Variants in SGSH observed in about 807,000 individuals in gnomAD.
SGSH encodes heparan sulfate sulfatase.
A neutral mutation model predicts 51.0 loss-of-function variants in SGSH; 48 were observed. That is an observed-to-expected ratio of 0.94 (90% CI 0.75 to 1.20). The LOEUF (loss-of-function observed/expected upper bound fraction) is 1.20. Among genes scored for constraint, SGSH ranks in the 50% most tolerant of loss-of-function variants. SGSH has a pLI of 0.00. For missense variants in SGSH, 662 were observed against 717.8 expected, an observed-to-expected ratio of 0.92 and a Z score of 0.89; for synonymous variants, 321 against 313.4, an observed-to-expected ratio of 1.02 and a Z score of -0.26.
Position 80,213,725 on chromosome 17 carries a change from G to T in SGSH, c.745+79C>A. The T allele has an allele frequency of 8.0e-7, 1 of 1,249,340 alleles. No homozygotes were observed. Among genetic ancestry groups the T allele is most frequent in the Non-Finnish European group, 1.1e-6 (1 of 883,788 alleles). 77.4% of individuals were successfully genotyped at this position (1,249,340 alleles called of 1,614,324 possible). A position where few individuals can be genotyped will look rare whatever the true frequency, so the allele number is the denominator to read the frequency against. On this transcript the variant is annotated intron_variant, in intron 6 of 7. Transcript: ENST00000326317. This position sits in a 1 kb window ranked among gnomAD's most constrained non-coding sequence, Gnocchi z 4.6. The stretch of plus-strand genomic sequence containing the variant: ...CTGGGACCCTCACCCACATTATGCC[G>T]TGACCTAAGAGGGCGCTGGCCCAGG...
downstream of SGSH, chr17:80,206,948 T>G (rs1423610416): frequency 3.2e-6 from 5 of 1,581,596 alleles, no homozygotes; most frequent in Non-Finnish European, 3.5e-6. Flanking sequence ...CTTGACTCAC[T>G]TCTTCTCTCC....
In SGSH at chr17:80,212,783, T is replaced by C. The variant is rs528797644; in HGVS notation, c.746-509A>G. ...CCCTGACCCCAAAAGACATGTGTGCTGGAATCTGTGAAGGGGTTCTTGTTT... is the reference window on the plus strand; with the variant it reads ...CCCTGACCCCAAAAGACATGTGTGCCGGAATCTGTGAAGGGGTTCTTGTTT... On this transcript the variant is annotated intron_variant, in intron 6 of 7. Transcript: ENST00000326317. The surrounding 1 kb of genome is among the most constrained non-coding windows in gnomAD (Gnocchi z 5.9). The C allele has an allele frequency of 7.7e-5, 17 of 220,432 alleles. No homozygotes were observed. The South Asian group carries it at 1.1e-3, about 15-fold the overall frequency. The allele number at this position is 220,432 out of a possible 1,614,324, so 13.7% of individuals were successfully genotyped here. A position where few individuals can be genotyped will look rare whatever the true frequency, so the allele number is the denominator to read the frequency against.
At chr17:80,204,120 T>G (rs2041142469), downstream of SGSH, 3 of 1,110,896 alleles carry the variant, frequency 2.7e-6, no homozygotes, top group Middle Eastern at 2.2e-4. Flanking sequence ...CATCTGCGCC[T>G]CTGCATCACT....
In SGSH at chr17:80,213,057, C is replaced by G. The variant is rs1439385213; in HGVS notation, c.745+747G>C. The stretch of plus-strand genomic sequence containing the variant: ...TATAAAAATTAGCTGGGCATGGTGG[C>G]GTGCGGTGCGATTGCAGTCCTAGCT... On this transcript the variant is annotated intron_variant, in intron 6 of 7. Coordinates refer to ENST00000326317, the MANE Select transcript of SGSH (RefSeq NM_000199.5). The surrounding 1 kb of genome is among the most constrained non-coding windows in gnomAD (Gnocchi z 4.6). 6.5e-6 allele frequency: 1 copy of G among 153,062 alleles called. No individual in the cohort carries two copies. Among genetic ancestry groups the G allele is most frequent in the African/African-American group, 2.4e-5 (1 of 41,364 alleles). The allele number at this position is 153,062 out of a possible 1,614,324, so 9.5% of individuals were successfully genotyped here.
intron 1 of SGSH, among the ~76,000 whole-genome samples, chr17:80,219,480 G>C (rs1257026005): frequency 2.0e-5 from 3 of 152,264 alleles, no homozygotes; most frequent in Non-Finnish European, 4.4e-5. Flanking sequence ...GGTCCATGCA[G>C]ATTCTCTGCT....
Position 80,214,647 on chromosome 17 carries a change from G to T in SGSH, c.474C>A (p.Leu158=), listed in dbSNP as rs75828254. 2 of 1,613,444 alleles carry T rather than the reference G, an allele frequency of 1.2e-6. No homozygotes were observed. The highest frequency in any genetic ancestry group is 4.5e-5 in the East Asian group (2 of 44,878). Residue 158 remains leucine, a synonymous_variant, in exon 4 of 8, where the codon CTC becomes CTA. Coordinates refer to ENST00000326317, the MANE Select transcript of SGSH (RefSeq NM_000199.5). ...VGRNITRIKL[L]VRKFLQTQDD... is the part of the protein sequence containing the mutation. ...CCTGAGTCTGCAGGAATTTCCGGAC[G>T]AGCAGCTTAATTCTAGTGATGTTCC...
chr17:80,202,854 T>C (rs182079255), downstream of SGSH: 562 of 190,972 alleles, frequency 2.9e-3, 4 homozygotes, highest in African/African-American at 0.012. Flanking sequence ...CTCCTAGGAC[T>C]GTCTTGGTCT....
chr17:80,205,099 C>T (rs202148981), downstream of SGSH: 5 of 1,613,518 alleles, frequency 3.1e-6, no homozygotes, highest in East Asian at 1.1e-4. Context: ...TGGTGCGGCC[C>T]CATCGACCCG....
intron 1 of SGSH, among the ~76,000 whole-genome samples, chr17:80,218,772 T>C (rs6565650): frequency 0.49 from 74,302 of 152,060 alleles, 19,866 homozygotes; most frequent in African/African-American, 0.71. Flanking sequence ...AGCCCTAACG[T>C]CAACATCACT....
chr17:80,212,268 C>A lies in SGSH; in HGVS notation c.752G>T (p.Gly251Val). 1 of 1,607,390 alleles carries A rather than the reference C, an allele frequency of 6.2e-7. No individual in the cohort carries two copies. The highest frequency in any genetic ancestry group is 8.5e-7 in the Non-Finnish European group (1 of 1,177,330). ...TTVGRMDQGV[G>V]LVLQELRDAG... The stretch of plus-strand genomic sequence containing the variant: ...GTCACGCAGCTCCTGGAGCACCAGT[C>A]CAACTCCTGTGGTGAGGGGCCGAGA... Residue 251 changes from glycine (G) to valine (V), a missense_variant, in exon 7 of 8, where the codon GGA becomes GTA. Gly to Val is a moderately radical substitution (Grantham distance 109, BLOSUM62 -3). Transcript: ENST00000326317. The surrounding 1 kb of genome is among the most constrained non-coding windows in gnomAD (Gnocchi z 5.9).
Position 80,209,819 on chromosome 17 carries a change from C to T in SGSH, c.*633G>A, listed in dbSNP as rs2041558781. The T allele has an allele frequency of 1.0e-6, 1 of 987,938 alleles. No homozygotes were observed. Among genetic ancestry groups the T allele is most frequent in the Non-Finnish European group, 1.2e-6 (1 of 831,608 alleles). 61.2% of individuals were successfully genotyped at this position (987,938 alleles called of 1,614,324 possible). On this transcript the variant is annotated 3_prime_UTR_variant, in exon 8 of 8. Coordinates refer to ENST00000326317, the MANE Select transcript of SGSH (RefSeq NM_000199.5). ...GGTTCAAGCTCATCACTCAGGGAGC[C>T]TGCTGCCAATCAGCTGAAACCTGCC...
At chr17:80,208,267 C>T (rs957038309), downstream of SGSH, 11 of 1,593,686 alleles carry the variant, frequency 6.9e-6, no homozygotes, top group Admixed American at 3.6e-5. Flanking sequence ...GCGACCTGGA[C>T]GGCCTGCTCA....
intron 1 of SGSH, 101 bp from the exon 2 acceptor site, chr17:80,217,293 AC>A: frequency 7.2e-7 from 1 of 1,388,898 alleles, no homozygotes; most frequent in Non-Finnish European, 9.9e-7. Context: ...AAGGCGAGAC[AC>A]CCAGGTGGGC....
At chr17:80,215,538 C>T (rs949340061) in intron 2 of SGSH, among the ~76,000 whole-genome samples, 10 of 152,206 alleles carry the variant, frequency 6.6e-5, no homozygotes, top group Non-Finnish European at 7.3e-5. Context: ...CTCAGACTGC[C>T]GGCCGGGCGT....
Position 80,214,760 on chromosome 17 carries a change from T to TGATGCCTGGGCGGGAAGA in SGSH, c.356-13_360dup (p.Ile120_Ile121insSerSerArgProGlyIle). 6.2e-7 allele frequency: 1 copy of TGATGCCTGGGCGGGAAGA among 1,611,702 alleles called. No individual in the cohort carries two copies. Among genetic ancestry groups the TGATGCCTGGGCGGGAAGA allele is most frequent in the East Asian group, 2.2e-5 (1 of 44,880 alleles). ...TCCGGCCCCACGTGCTTCTTCCCGA[T>TGATGCCTGGGCGGGAAGA]GATGCCTGGGCGGGAAGAGAGGCCT... On this transcript the variant is annotated inframe_insertion, in exon 4 of 8. Coordinates refer to ENST00000326317, the MANE Select transcript of SGSH (RefSeq NM_000199.5).
chr17:80,202,371 T>TA (rs1245154514), downstream of SGSH: 2 of 1,613,316 alleles, frequency 1.2e-6, no homozygotes, highest in Non-Finnish European at 8.5e-7. Flanking sequence ...CGTGAACTCT[T>TA]ACACCATGAA....
chr17:80,202,167 C>G (rs377635873), downstream of SGSH: 14 of 1,600,430 alleles, frequency 8.7e-6, no homozygotes, highest in African/African-American at 1.7e-4. Flanking sequence ...TGGCTCATGT[C>G]CCCTTTTATC....
rs199643693 is a variant in SGSH at position 80,214,724 on chromosome 17, G to T, written c.397C>A (p.Pro133Thr). The T allele has an allele frequency of 6.8e-5, 109 of 1,613,078 alleles. No homozygotes were observed. The East Asian group carries it at 2.3e-3, about 34-fold the overall frequency. ...KKHVGPETVY[P>T]FDFAYTEENG... is the part of the protein sequence containing the mutation. ...TCCTCCGTGTACGCAAAGTCAAACG[G>T]GTACACGGTCTCCGGCCCCACGTGC... Residue 133 changes from proline (P) to threonine (T), a missense_variant, in exon 4 of 8, where the codon CCG becomes ACG. Physicochemically the swap from Pro to Thr is conservative, Grantham distance 38. Transcript: ENST00000326317.
At chr17:80,218,098 G>A (rs779705403) in intron 1 of SGSH, among the ~76,000 whole-genome samples, 6 of 152,250 alleles carry the variant, frequency 3.9e-5, no homozygotes, top group Admixed American at 6.5e-5. Context: ...CGTGTTAGCC[G>A]GCTAGGCATT....
Sources: allele counts gnomAD v4.1 joint callset (sites outside exome capture counted in the v4.1 genomes callset), GRCh38; gene constraint gnomAD v4.1.1; non-coding constraint Gnocchi (gnomAD v3.1); transcripts MANE v1.5; gene names NCBI Gene and HGNC (gene_info 2026-07-23, HGNC 2026-07-21).